OCRL: variants seen among roughly 807,000 people sequenced by gnomAD.
OCRL encodes the protein OCRL inositol polyphosphate-5-phosphatase, also known as inositol polyphosphate 5-phosphatase OCRL.
OCRL carries 8 observed loss-of-function variants against 78.9 expected under a neutral mutation model. That is an observed-to-expected ratio of 0.10 (90% CI 0.06 to 0.18). The LOEUF (loss-of-function observed/expected upper bound fraction) is 0.18. OCRL is among the 10% of genes least tolerant of loss of function. The pLI is 1.00. For missense variants in OCRL, 454 were observed against 696.7 expected, an observed-to-expected ratio of 0.65 and a Z score of 3.92; for synonymous variants, 240 against 235.4, an observed-to-expected ratio of 1.02 and a Z score of -0.18.
At position 129,590,651 on chromosome X, in the gene OCRL, T is replaced by C. The variant is rs771423501; in HGVS notation, c.*381T>C. 1 of 231,234 alleles carries C rather than the reference T, an allele frequency of 4.3e-6. No homozygotes were observed. Among genetic ancestry groups the C allele is most frequent in the African/African-American group, 2.9e-5 (1 of 34,290 alleles). 19.1% of individuals were successfully genotyped at this position (231,234 alleles called of 1,213,427 possible). A position where few individuals can be genotyped will look rare whatever the true frequency, so the allele number is the denominator to read the frequency against. On this transcript the variant is annotated 3_prime_UTR_variant, in exon 24 of 24. Transcript: ENST00000371113. ...TTCTAGGCCTACAAGCACTACTTGC[T>C]GTAGCTGAGACTTGTCTAGAGTCCT...
intron 3 of OCRL, among the ~76,000 whole-genome samples, chrX:129,547,273 C>G (rs748810079): frequency 9.1e-6 from 1 of 110,097 alleles, no homozygotes; most frequent in African/African-American, 3.3e-5. Context: ...GGCCTGTAAT[C>G]CCAGCACTTT....
chrX:129,560,564 C>G lies in OCRL; in HGVS notation c.737C>G (p.Thr246Ser), dbSNP rs1936131778. The change falls in exon 9 of 24, where the codon ACT becomes AGT. Residue 246 changes from threonine (T) to serine (S), a missense_variant. By Grantham distance (58) the Thr-to-Ser change is moderately conservative. Transcript: ENST00000371113. ...TTATGTATTAGATTTTTTGTTGGAACTTGGAATGTGAATGGCCAGTCTCCA... is the reference window on the plus strand; with the variant it reads ...TTATGTATTAGATTTTTTGTTGGAAGTTGGAATGTGAATGGCCAGTCTCCA... ...NIQTFRFFVG[T>S]WNVNGQSPDS... The G allele has an allele frequency of 8.4e-7, 1 of 1,194,376 alleles. No homozygotes were observed. The highest frequency in any genetic ancestry group is 2.2e-5 in the Admixed American group (1 of 45,714).
intron 8 of OCRL, among the ~76,000 whole-genome samples, chrX:129,559,743 C>A (rs1241238231): frequency 9.0e-6 from 1 of 111,141 alleles, no homozygotes; most frequent in African/African-American, 3.3e-5. Context: ...TTCACCCAGT[C>A]CTCTTGATTG....
chrX:129,588,374 T>A, intron 21 of OCRL, 111 bp downstream of exon 21: 2 of 581,825 alleles, frequency 3.4e-6, no homozygotes, highest in Non-Finnish European at 2.9e-6. Flanking sequence ...GTAATATCTT[T>A]TATTATAAGA....
chrX:129,540,746 T>C lies in OCRL; in HGVS notation c.42T>C (p.Thr14=), dbSNP rs1935784945. 8.3e-7 allele frequency: 1 copy of C among 1,205,697 alleles called. No individual in the cohort carries two copies. The highest frequency in any genetic ancestry group is 1.8e-5 in the African/African-American group (1 of 56,754). Reference sequence around the variant, plus strand: ...AGACCCTTGACTAGCGCCCGCATACTGTCGAGGGTATGGAGATGAAGGGTC... The same window carrying C: ...AGACCCTTGACTAGCGCCCGCATACCGTCGAGGGTATGGAGATGAAGGGTC... The part of the protein sequence containing the change: ...PLPVGAQPLA[T]VEGMEMKGPL... The change falls in exon 2 of 24, where the codon ACT becomes ACC. Residue 14 remains threonine (T), a splice_region_variant and synonymous_variant. Coordinates refer to ENST00000371113, the MANE Select transcript of OCRL (RefSeq NM_000276.4).
rs1051771435 is a variant in OCRL at position 129,540,486 on chromosome X, C to T, written c.39+8C>T. 41 of 1,147,345 alleles carry T rather than the reference C, an allele frequency of 3.6e-5. 1 individual carries two copies. The highest frequency in any genetic ancestry group is 6.5e-4 in the Middle Eastern group (2 of 3,091). 94.6% of individuals were successfully genotyped at this position (1,147,345 alleles called of 1,213,427 possible). A position where few individuals can be genotyped will look rare whatever the true frequency, so the allele number is the denominator to read the frequency against. On this transcript the variant is annotated splice_region_variant and intron_variant, in intron 1 of 23. Coordinates refer to ENST00000371113, the MANE Select transcript of OCRL (RefSeq NM_000276.4). ...GGAGCCCAGCCGCTTGCCGTATCCG[C>T]CGGAGAGAAGGGAGAGGGGAGGCCG... is the stretch of plus-strand genomic sequence containing the variant.
intron 12 of OCRL, among the ~76,000 whole-genome samples, chrX:129,563,463 G>A (rs1936172232): frequency 9.0e-6 from 1 of 110,986 alleles, no homozygotes; most frequent in African/African-American, 3.3e-5. Flanking sequence ...TATATTGTGA[G>A]GTGCATTATA....
At chrX:129,561,797 A>G (rs1249956710) in intron 10 of OCRL, among the ~76,000 whole-genome samples, 2 of 111,704 alleles carry the variant, frequency 1.8e-5, no homozygotes, top group Non-Finnish European at 3.8e-5. Flanking sequence ...AGCTACCAGA[A>G]GAGTTAATTA....
chrX:129,569,235 C>T, intron 14 of OCRL, 29 bp from the exon 15 acceptor site: 1 of 1,206,868 alleles, frequency 8.3e-7, no homozygotes, highest in Non-Finnish European at 1.1e-6. Flanking sequence ...GTGATATGTT[C>T]TCTTTATAAC....
At position 129,557,450 on chromosome X, in the gene OCRL, A is replaced by C; in HGVS notation, c.349+15A>C. 4.3e-6 allele frequency: 5 copies of C among 1,168,800 alleles called. No individual in the cohort carries two copies. Among genetic ancestry groups the C allele is most frequent in the Non-Finnish European group, 5.8e-6 (5 of 857,590 alleles). On this transcript the variant is annotated intron_variant, in intron 5 of 23. Coordinates refer to ENST00000371113, the MANE Select transcript of OCRL (RefSeq NM_000276.4). ...TGCTCAGAAAGGTAACTAAAGACTC[A>C]GCGATTTTCTTTCTTCTATTTCAAC...
At position 129,555,611 on chromosome X, in the gene OCRL, G is replaced by A. The variant is rs1016678904; in HGVS notation, c.239-1714G>A. Among the ~76,000 whole-genome samples, 13 of 112,559 alleles carry A rather than the reference G, an allele frequency of 1.2e-4. No homozygotes were observed. In the East Asian group the frequency reaches 2.5e-3, roughly 22 times the overall value. ...GTTTGCAGATCACAGAGGTCCAGAAGGTTTTAGGATGGACAAGAAGAGTAG... is the reference window on the plus strand; with the variant it reads ...GTTTGCAGATCACAGAGGTCCAGAAAGTTTTAGGATGGACAAGAAGAGTAG... On this transcript the variant is annotated intron_variant, in intron 4 of 23. Transcript: ENST00000371113.
intron 19 of OCRL, among the ~76,000 whole-genome samples, chrX:129,585,705 GA>G (rs34512528): frequency 9.0e-6 from 1 of 111,022 alleles, no homozygotes; most frequent in African/African-American, 3.3e-5. Flanking sequence ...TGAATGTGGG[GA>G]AAAAAAAGAA....
Position 129,540,302 on chromosome X carries a change from C to T in OCRL, c.-138C>T. ...TCAGCTCCCAGCTCCCCGCTCCCGG[C>T]TCCCGGCGCCCGGCGCCCGGCGCGG... On this transcript the variant is annotated 5_prime_UTR_variant, in exon 1 of 24. Coordinates refer to ENST00000371113, the MANE Select transcript of OCRL (RefSeq NM_000276.4). The T allele has an allele frequency of 2.9e-6, 2 of 690,315 alleles. No individual in the cohort carries two copies. The highest frequency in any genetic ancestry group is 5.4e-5 in the Admixed American group (2 of 36,971). The allele number at this position is 690,315 out of a possible 1,213,427, so 56.9% of individuals were successfully genotyped here. A position where few individuals can be genotyped will look rare whatever the true frequency, so the allele number is the denominator to read the frequency against.
In OCRL at chrX:129,540,347, C is replaced by A; in HGVS notation, c.-93C>A. The A allele has an allele frequency of 1.0e-6, 1 of 990,293 alleles. No individual in the cohort carries two copies. Among genetic ancestry groups the A allele is most frequent in the Non-Finnish European group, 1.4e-6 (1 of 724,072 alleles). The allele number at this position is 990,293 out of a possible 1,213,427, so 81.6% of individuals were successfully genotyped here. A position where few individuals can be genotyped will look rare whatever the true frequency, so the allele number is the denominator to read the frequency against. ...GCGCGGAGCTGTTCCTCAAACGACACGCAGCCGAGGTGGGTGGGTGTGGGG... is the reference window on the plus strand; with the variant it reads ...GCGCGGAGCTGTTCCTCAAACGACAAGCAGCCGAGGTGGGTGGGTGTGGGG... On this transcript the variant is annotated 5_prime_UTR_variant, in exon 1 of 24. Transcript: ENST00000371113.
intron 4 of OCRL, chrX:129,553,331 A>G (rs1384306902): frequency 8.9e-6 from 1 of 112,204 alleles, no homozygotes; most frequent in Non-Finnish European, 1.9e-5. Flanking sequence ...GTCATATTGG[A>G]ATGGATTCAA....
intron 1 of OCRL, 69 bp from the exon 2 acceptor site, chrX:129,540,675 C>A: frequency 1.0e-6 from 1 of 958,833 alleles, no homozygotes; most frequent in East Asian, 3.1e-5. Flanking sequence ...TGGAAGACCC[C>A]CTTCGCCCCG....
At position 129,557,441 on chromosome X, in the gene OCRL, T is replaced by C; in HGVS notation, c.349+6T>C. On this transcript the variant is annotated splice_donor_region_variant and intron_variant, in intron 5 of 23. Transcript: ENST00000371113. ...TGTCCTTGCTGCTCAGAAAGGTAACTAAAGACTCAGCGATTTTCTTTCTTC... is the reference window on the plus strand; with the variant it reads ...TGTCCTTGCTGCTCAGAAAGGTAACCAAAGACTCAGCGATTTTCTTTCTTC... 5.9e-6 allele frequency: 7 copies of C among 1,178,681 alleles called. No individual in the cohort carries two copies. The highest frequency in any genetic ancestry group is 8.1e-6 in the Non-Finnish European group (7 of 865,989).
intron 2 of OCRL, among the ~76,000 whole-genome samples, chrX:129,544,476 T>G (rs1935850962): frequency 9.0e-6 from 1 of 111,667 alleles, no homozygotes; most frequent in African/African-American, 3.3e-5. Flanking sequence ...AAGAGACAGA[T>G]CCATTCTTTG....
At chrX:129,567,223 C>A (rs1441638563) in intron 13 of OCRL, 31 bp from the exon 14 acceptor site, 1 of 986,005 alleles carries the variant, frequency 1.0e-6, no homozygotes, top group Non-Finnish European at 1.4e-6. Context: ...TAGTGTTATC[C>A]TGCTTATTTG....
Sources: allele counts gnomAD v4.1 joint callset (sites outside exome capture counted in the v4.1 genomes callset), GRCh38; gene constraint gnomAD v4.1.1; transcripts MANE v1.5; gene names NCBI Gene and HGNC (gene_info 2026-07-23, HGNC 2026-07-21).